The following ARHGAP5 variants were observed in gnomAD, a reference collection of about 807,000 sequenced individuals.
The protein encoded by ARHGAP5 is Rho GTPase activating protein 5.
ARHGAP5 carries 23 observed loss-of-function variants against 116.6 expected under a neutral mutation model. The ratio of observed to expected loss-of-function variants is 0.20; its 90% confidence interval spans 0.14 to 0.28. The LOEUF is 0.28. ARHGAP5 is among the 10% of genes least tolerant of loss of function. ARHGAP5 has a pLI of 1.00. For synonymous variants in ARHGAP5, 574 were observed against 602.0 expected, an observed-to-expected ratio of 0.95 and a Z score of 0.68; for missense variants, 1,405 against 1,774.8, an observed-to-expected ratio of 0.79 and a Z score of 3.74.
At chr14:32,121,469 G>A (rs1030770756) in intron 3 of ARHGAP5, among the ~76,000 whole-genome samples, 2 of 151,906 alleles carry the variant, frequency 1.3e-5, no homozygotes, top group African/African-American at 4.8e-5. Context: ...CTCATGCCTT[G>A]TTCTGTTGTT....
intron 5 of ARHGAP5, among the ~76,000 whole-genome samples, chr14:32,151,357 C>T (rs889604979): frequency 6.6e-6 from 1 of 152,156 alleles, no homozygotes. Context: ...ATTTCAGGGC[C>T]ACATTTTAGT....
At chr14:32,139,257 GT>G (rs1880971681) in intron 3 of ARHGAP5, among the ~76,000 whole-genome samples, 1 of 151,988 alleles carries the variant, frequency 6.6e-6, no homozygotes, top group African/African-American at 2.4e-5. Context: ...GTTTCTCTTT[GT>G]TTTTTAGAAG....
In ARHGAP5 at chr14:32,091,380, A is replaced by T. The variant is rs1878236700; in HGVS notation, c.711A>T (p.Thr237=). 2 of 1,611,874 alleles carry T rather than the reference A, an allele frequency of 1.2e-6. No homozygotes were observed. Among genetic ancestry groups the T allele is most frequent in the African/African-American group, 2.7e-5 (2 of 74,946 alleles). Residue 237 remains threonine (T), a synonymous_variant, in exon 2 of 7, where the codon ACA becomes ACT. Coordinates refer to ENST00000345122, the MANE Select transcript of ARHGAP5 (RefSeq NM_001030055.2). ...TSARFNVNIE[T]CFTALVQMLD... is the part of the protein sequence containing the mutation. ...CACGATTTAATGTCAACATTGAAAC[A>T]TGTTTTACTGCACTGGTACAAATGT...
intron 6 of ARHGAP5, among the ~76,000 whole-genome samples, chr14:32,153,019 C>T (rs983657199): frequency 3.4e-5 from 5 of 147,250 alleles, no homozygotes; most frequent in Non-Finnish European, 7.4e-5. Flanking sequence ...ATATTTTCTA[C>T]TGGCATTTTA....
chr14:32,078,163 T>A (rs1357139993), intron 1 of ARHGAP5: 1 of 80,328 alleles, frequency 1.2e-5, no homozygotes, highest in Non-Finnish European at 2.6e-5. Flanking sequence ...GGGGTGGGGG[T>A]GGGGAGCCGC....
chr14:32,149,176 CTT>C (rs76852059), intron 4 of ARHGAP5, among the ~76,000 whole-genome samples: 6 of 143,824 alleles, frequency 4.2e-5, no homozygotes, highest in Admixed American at 1.4e-4. Context: ...CTTATGGCCT[CTT>C]TTTTTTTTTT....
chr14:32,133,061 C>T (rs541696313), intron 3 of ARHGAP5, among the ~76,000 whole-genome samples: 13 of 152,182 alleles, frequency 8.5e-5, no homozygotes, highest in South Asian at 6.2e-4. Context: ...ATTGACTTGG[C>T]GATGCAGGCT....
intron 1 of ARHGAP5, among the ~76,000 whole-genome samples, chr14:32,080,324 A>C (rs1473033639): frequency 6.7e-6 from 1 of 149,880 alleles, no homozygotes; most frequent in Non-Finnish European, 1.5e-5. Context: ...AAATATAAGA[A>C]AAATATTTAT....
At chr14:32,114,089 G>A (rs1335392000) in intron 2 of ARHGAP5, among the ~76,000 whole-genome samples, 2 of 152,098 alleles carry the variant, frequency 1.3e-5, no homozygotes, top group Non-Finnish European at 2.9e-5. Context: ...TCAGCTGGGC[G>A]TGATGGCACA....
At chr14:32,077,468 T>C in intron 1 of ARHGAP5, 33 bp downstream of exon 1, 2 of 687,898 alleles carry the variant, frequency 2.9e-6, no homozygotes, top group East Asian at 2.8e-5. Context: ...CCTCCAAGCC[T>C]GCCTGCCCCC....
At chr14:32,140,097 C>CTTTTTTTTTTTTTTTGTTTTTTTTTT (rs1881037042) in intron 3 of ARHGAP5, among the ~76,000 whole-genome samples, 1 of 25,386 alleles carries the variant, frequency 3.9e-5, no homozygotes, top group East Asian at 1.3e-3. Context: ...GTTATTTGTT[C>CTTTTTTTTTTTTTTTGTTTTTTTTTT]TTTTTTTTTT....
chr14:32,116,808 A>C (rs1475789634), intron 2 of ARHGAP5, among the ~76,000 whole-genome samples: 2 of 152,084 alleles, frequency 1.3e-5, no homozygotes, highest in Non-Finnish European at 2.9e-5. Flanking sequence ...AATATATCAC[A>C]CCTAAACTGA....
In ARHGAP5 at chr14:32,154,899, C is replaced by T. The variant is rs1881823057; in HGVS notation, c.4460C>T (p.Pro1487Leu). 1 of 1,613,872 alleles carries T rather than the reference C, an allele frequency of 6.2e-7. No homozygotes were observed. The change falls in exon 7 of 7, where the codon CCT (proline) becomes CTT (leucine). Residue 1487 changes from proline (P) to leucine (L), a missense_variant. Transcript: ENST00000345122. ...VPLQLPPPLQPQLIQPQLQTD... is the reference protein window; with the variant it reads ...VPLQLPPPLQLQLIQPQLQTD... ...CTTCAGTTGCCGCCACCATTGCAAC[C>T]TCAGCTGATACAACCACAATTACAA...
chr14:32,099,538 T>C (rs955457212), intron 2 of ARHGAP5, among the ~76,000 whole-genome samples: 3 of 152,206 alleles, frequency 2.0e-5, no homozygotes, highest in African/African-American at 4.8e-5. Context: ...TTAGGAATTA[T>C]AATACTTCCC....
chr14:32,095,574 T>G (rs1358602421), intron 2 of ARHGAP5, among the ~76,000 whole-genome samples: 1 of 151,998 alleles, frequency 6.6e-6, no homozygotes, highest in Non-Finnish European at 1.5e-5. Context: ...CCACCATGCC[T>G]GGCTAATTTT....
At chr14:32,116,510 G>C (rs188577827) in intron 2 of ARHGAP5, among the ~76,000 whole-genome samples, 1 of 151,354 alleles carries the variant, frequency 6.6e-6, no homozygotes, top group Non-Finnish European at 1.5e-5. Context: ...GGAGAATGGC[G>C]TGAACCCGGG....
chr14:32,141,549 G>A (rs1210361792), intron 3 of ARHGAP5, among the ~76,000 whole-genome samples: 2 of 152,062 alleles, frequency 1.3e-5, no homozygotes, highest in African/African-American at 2.4e-5. Context: ...ATGAAATACT[G>A]CTGGCTTATA....
At chr14:32,132,048 G>T (rs913353506) in intron 3 of ARHGAP5, among the ~76,000 whole-genome samples, 5 of 152,212 alleles carry the variant, frequency 3.3e-5, no homozygotes, top group East Asian at 3.9e-4. Context: ...TAAACATACA[G>T]GTGCATGTGT....
chr14:32,102,958 A>G (rs1018283810), intron 2 of ARHGAP5, among the ~76,000 whole-genome samples: 7 of 152,202 alleles, frequency 4.6e-5, no homozygotes, highest in African/African-American at 1.7e-4. Flanking sequence ...ATTTTGCTGA[A>G]AATTAAATAT....
Sources: gnomAD v4.1 joint callset for allele counts (sites outside exome capture counted in the v4.1 genomes callset) on GRCh38, gnomAD v4.1.1 for gene constraint, MANE v1.5 for transcripts, NCBI Gene and HGNC (gene_info 2026-07-23, HGNC 2026-07-21) for gene names.